PIK3CD: variants seen among roughly 807,000 people sequenced by gnomAD.
PIK3CD encodes the protein phosphatidylinositol 4,5-bisphosphate 3-kinase catalytic subunit delta isoform.
Under a neutral mutation model 122.9 loss-of-function variants are expected in PIK3CD, and 20 were observed. The ratio of observed to expected loss-of-function variants is 0.16; its 90% CI spans 0.11 to 0.24. The LOEUF (loss-of-function observed/expected upper bound fraction) is 0.24. Among genes scored for constraint, PIK3CD ranks in the 10% least tolerant of loss-of-function variants. The pLI is 1.00. For missense variants in PIK3CD, 787 were observed against 1,406.3 expected (o/e 0.56, Z 7.04); for synonymous variants, 596 against 593.4 (o/e 1.00, Z -0.06).
chr1:9,713,421 C>T (rs375309073), intron 3 of PIK3CD, among the ~76,000 whole-genome samples: 1 of 152,118 alleles, frequency 6.6e-6, no homozygotes, highest in South Asian at 2.1e-4. Flanking sequence ...AAAAAATTAC[C>T]TCTGATCCAG....
rs535149976 is a variant in PIK3CD, at chr1:9,718,030, G to A, written c.1020+404G>A. ...CCTGCAGCCTGTGAGGGCTGCACCTGCCTCAACCTCTAGGGGCTGAGCCCA... is the reference window on the plus strand; with the variant it reads ...CCTGCAGCCTGTGAGGGCTGCACCTACCTCAACCTCTAGGGGCTGAGCCCA... On this transcript the variant is annotated intron_variant, in intron 8 of 23. Coordinates refer to ENST00000377346, the MANE Select transcript of PIK3CD (RefSeq NM_005026.5). This position sits in a 1 kb window ranked among gnomAD's most constrained non-coding sequence, Gnocchi z 7.2. 219 of 476,402 alleles carry A rather than the reference G, an allele frequency of 4.6e-4. No individual in the cohort carries two copies. Among genetic ancestry groups the A allele is most frequent in the South Asian group, 3.0e-3 (187 of 62,856 alleles). 29.5% of individuals were successfully genotyped at this position (476,402 alleles called of 1,614,324 possible). A position where few individuals can be genotyped will look rare whatever the true frequency, so the allele number is the denominator to read the frequency against.
rs1314823847 is a variant in PIK3CD, at chr1:9,722,137, C to A, written c.2218C>A (p.Leu740Met). Residue 740 changes from leucine (L) to methionine (M), a missense_variant, in exon 17 of 24, where the codon CTG (leucine) becomes ATG (methionine). Physicochemically the swap from Leu to Met is conservative, Grantham distance 15 (BLOSUM62 2). Transcript: ENST00000377346. This position sits in a 1 kb window ranked among gnomAD's most constrained non-coding sequence, Gnocchi z 7.6. Reference protein sequence around the residue: ...HLQSPLDPSTLLAEVCVEQCT... With the variant: ...HLQSPLDPSTMLAEVCVEQCT... ...GCAGTCCCCACTCGACCCCAGCACC[C>A]TGCTGGCTGAAGTCTGGTGAGCCCA... The A allele has an allele frequency of 6.2e-7, 1 of 1,612,960 alleles. No homozygotes were observed. The highest frequency in any genetic ancestry group is 8.5e-7 in the Non-Finnish European group (1 of 1,179,846).
chr1:9,715,850 C>T lies in PIK3CD; in HGVS notation c.372C>T (p.Gly124=), dbSNP rs1200779538. 2 of 1,590,858 alleles carry T rather than the reference C, an allele frequency of 1.3e-6. No homozygotes were observed. Among genetic ancestry groups the T allele is most frequent in the Admixed American group, 3.3e-5 (2 of 59,938 alleles). ...GACCCAGCCCTCCCCACCCCGCAGG[C>T]CTCCACGAGTTTGACTCCTTGTGCG... The part of the protein sequence containing the change: ...NSQISLLIGK[G]LHEFDSLCDP... The change falls in exon 5 of 24, where the codon GGC becomes GGT. Residue 124 remains glycine (G), a splice_region_variant and synonymous_variant. Coordinates refer to ENST00000377346, the MANE Select transcript of PIK3CD (RefSeq NM_005026.5). The surrounding 1 kb of genome is among the most constrained non-coding windows in gnomAD (Gnocchi z 4.1).
intron 1 of PIK3CD, chr1:9,654,443 C>T: frequency 1.5e-6 from 2 of 1,363,074 alleles, no homozygotes; most frequent in Non-Finnish European, 2.0e-6. Context: ...GCATCAGCCC[C>T]TGGGGGGCTT....
chr1:9,636,937 A>G, the PIK3CD span, among the ~76,000 whole-genome samples: 27 of 149,926 alleles, frequency 1.8e-4, no homozygotes, highest in Admixed American at 8.7e-4. Context: ...TCTCTCTGTC[A>G]CCCAGGCTGG....
Position 9,654,474 on chromosome 1 carries a change from A to G in PIK3CD, c.-138+2672A>G, listed in dbSNP as rs377672587. 117 of 684,016 alleles carry G rather than the reference A, an allele frequency of 1.7e-4. No homozygotes were observed. The African/African-American group carries it at 9.6e-3, about 56-fold the overall frequency. 42.4% of individuals were successfully genotyped at this position (684,016 alleles called of 1,614,324 possible). On this transcript the variant is annotated intron_variant, in intron 1 of 23. Transcript: ENST00000377346. Reference sequence around the variant, plus strand: ...GGCTTACAGGACAGACAGTCCACCAATGGTTGTGCGAAAGCCAGCCCGCTT... The same window carrying G: ...GGCTTACAGGACAGACAGTCCACCAGTGGTTGTGCGAAAGCCAGCCCGCTT...
intron 1 of PIK3CD, among the ~76,000 whole-genome samples, chr1:9,674,152 C>T (rs1485321659): frequency 3.3e-5 from 5 of 152,174 alleles, no homozygotes; most frequent in African/African-American, 9.7e-5. Context: ...GAAATCCCTC[C>T]GGGACTAGGG....
At chr1:9,633,468 C>T in the PIK3CD span, among the ~76,000 whole-genome samples, 1 of 152,122 alleles carries the variant, frequency 6.6e-6, no homozygotes. Context: ...CCACCACGCC[C>T]AGCTAATTTT....
intron 1 of PIK3CD, among the ~76,000 whole-genome samples, chr1:9,690,290 C>T (rs980828718): frequency 1.3e-5 from 2 of 152,188 alleles, no homozygotes; most frequent in Admixed American, 6.5e-5. Context: ...TTTGTCCTGG[C>T]TCCTTATTTC....
chr1:9,727,139 C>A lies in PIK3CD; in HGVS notation c.*93C>A. ...TAAAGGGGCTGAAGAGCCTGAACTGCACCTAACGGGAAAGAACCGACATGG... is the reference window on the plus strand; with the variant it reads ...TAAAGGGGCTGAAGAGCCTGAACTGAACCTAACGGGAAAGAACCGACATGG... On this transcript the variant is annotated 3_prime_UTR_variant, in exon 24 of 24. Transcript: ENST00000377346. 7.0e-7 allele frequency: 1 copy of A among 1,430,076 alleles called. No individual in the cohort carries two copies. The highest frequency in any genetic ancestry group is 9.8e-7 in the Non-Finnish European group (1 of 1,020,888). The allele number at this position is 1,430,076 out of a possible 1,614,324, so 88.6% of individuals were successfully genotyped here. A position where few individuals can be genotyped will look rare whatever the true frequency, so the allele number is the denominator to read the frequency against.
Position 9,718,344 on chromosome 1 carries a change from A to T in PIK3CD, c.1021-350A>T, listed in dbSNP as rs1647892291. On this transcript the variant is annotated intron_variant, in intron 8 of 23. Transcript: ENST00000377346. This position sits in a 1 kb window ranked among gnomAD's most constrained non-coding sequence, Gnocchi z 7.2. ...AGTCCTTCCCCACCCACATGGGCTC[A>T]TAGGAATCTGAGAAGTCCAGGGAGC... Among the ~76,000 whole-genome samples the T allele has an allele frequency of 6.6e-6, 1 of 152,110 alleles. No individual in the cohort carries two copies. The highest frequency in any genetic ancestry group is 2.4e-5 in the African/African-American group (1 of 41,410).
rs1001849803 is a variant in PIK3CD, at chr1:9,718,756, G to T, written c.1083G>T (p.Ser361=). The T allele has an allele frequency of 1.4e-5, 23 of 1,610,032 alleles. No homozygotes were observed. The Admixed American group carries it at 2.7e-4, about 19-fold the overall frequency. ...TGCTGTGCAAGACGGTGTCCAGCTCGGAGGTGAGCGTGTGCTCGGAGCCCG... is the reference window on the plus strand; with the variant it reads ...TGCTGTGCAAGACGGTGTCCAGCTCTGAGGTGAGCGTGTGCTCGGAGCCCG... ...NEMLCKTVSS[S]EVSVCSEPVW... is the part of the protein sequence containing the mutation. The change falls in exon 9 of 24, where the codon TCG becomes TCT. Residue 361 remains serine, a synonymous_variant. Transcript: ENST00000377346. The surrounding 1 kb of genome is among the most constrained non-coding windows in gnomAD (Gnocchi z 7.2).
chr1:9,682,052 C>T (rs1645775225), intron 1 of PIK3CD, among the ~76,000 whole-genome samples: 2 of 152,120 alleles, frequency 1.3e-5, no homozygotes, highest in African/African-American at 4.8e-5. Context: ...GTTGCCTCAG[C>T]CTCCTGAGTA....
chr1:9,678,152 AAAAAAAC>A (rs1420308338), intron 1 of PIK3CD, among the ~76,000 whole-genome samples: 2 of 151,990 alleles, frequency 1.3e-5, no homozygotes, highest in African/African-American at 4.8e-5. Context: ...CTCAAAAAAA[AAAAAAAC>A]AAAAACAAAA....
chr1:9,709,764 TGGGAG>T (rs1286273096), intron 2 of PIK3CD, among the ~76,000 whole-genome samples: 1 of 152,142 alleles, frequency 6.6e-6, no homozygotes, highest in Non-Finnish European at 1.5e-5. Flanking sequence ...CCCAGAACTT[TGGGAG>T]GCCGAGGTGG....
At chr1:9,697,418 G>A (rs1464793184) in intron 2 of PIK3CD, among the ~76,000 whole-genome samples, 1 of 151,946 alleles carries the variant, frequency 6.6e-6, no homozygotes, top group Non-Finnish European at 1.5e-5. Context: ...TTGTGGCCAG[G>A]CACGGTGGCT....
Position 9,715,936 on chromosome 1 carries a change from G to A in PIK3CD, c.458G>A (p.Arg153His), listed in dbSNP as rs748728424. Residue 153 changes from arginine (R) to histidine (H), a missense_variant, in exon 5 of 24, where the codon CGC becomes CAC. Transcript: ENST00000377346. This position sits in a 1 kb window ranked among gnomAD's most constrained non-coding sequence, Gnocchi z 4.1. ...CAATTCTGCGAGGAGGCGGCCGCCC[G>A]CCGGCAGCAGCTGGGCTGGGAGGCC... is the stretch of plus-strand genomic sequence containing the variant. ...MCQFCEEAAA[R>H]RQQLGWEAWL... 9.3e-6 allele frequency: 15 copies of A among 1,611,954 alleles called. No homozygotes were observed. Among genetic ancestry groups the A allele is most frequent in the African/African-American group, 8.0e-5 (6 of 74,906 alleles).
the PIK3CD span, among the ~76,000 whole-genome samples, chr1:9,627,901 G>A: frequency 6.6e-6 from 1 of 152,234 alleles, no homozygotes; most frequent in African/African-American, 2.4e-5. Flanking sequence ...GAGGCCGCGG[G>A]TGGCAGAGCC....
chr1:9,699,394 A>G (rs944629272), intron 2 of PIK3CD, among the ~76,000 whole-genome samples: 5 of 152,152 alleles, frequency 3.3e-5, no homozygotes, highest in Admixed American at 1.3e-4. Flanking sequence ...CACAGCAGCC[A>G]AAGCCATCTT....
Sources: allele counts gnomAD v4.1 joint callset (sites outside exome capture counted in the v4.1 genomes callset), GRCh38; gene constraint gnomAD v4.1.1; non-coding constraint Gnocchi (gnomAD v3.1); transcripts MANE v1.5; gene names NCBI Gene and HGNC (gene_info 2026-07-23, HGNC 2026-07-21).